Variants in MGAT4C observed in about 807,000 individuals in gnomAD.
MGAT4C encodes the protein alpha-1,3-mannosyl-glycoprotein 4-beta-N-acetylglucosaminyltransferase C.
In MGAT4C, 19 loss-of-function variants were observed where a neutral mutation model predicts 40.1. The observed-to-expected ratio is 0.47, with a 90% confidence interval of 0.33 to 0.70. MGAT4C has a LOEUF of 0.70. Ranked by LOEUF, MGAT4C falls within the 30% of genes least tolerant of loss-of-function variation. MGAT4C has a pLI of 0.02. For synonymous variants in MGAT4C, 181 were observed against 187.1 expected (o/e 0.97, Z 0.27); for missense variants, 491 against 563.2 (o/e 0.87, Z 1.30).
intron 2 of MGAT4C, among the ~76,000 whole-genome samples, chr12:86,521,000 T>G (rs1236806024): frequency 6.6e-6 from 1 of 152,214 alleles, no homozygotes; most frequent in Admixed American, 6.5e-5. Flanking sequence ...TTGACAATAT[T>G]TTCTCCCATC....
chr12:86,241,344 C>A (rs1025159664), intron 1 of MGAT4C, among the ~76,000 whole-genome samples: 1 of 152,076 alleles, frequency 6.6e-6, no homozygotes, highest in Non-Finnish European at 1.5e-5. Context: ...TTTACTACTA[C>A]GGAAGCAAAA....
At chr12:86,127,024 C>A (rs1369229133) in intron 1 of MGAT4C, among the ~76,000 whole-genome samples, 1 of 152,180 alleles carries the variant, frequency 6.6e-6, no homozygotes, top group Non-Finnish European at 1.5e-5. Flanking sequence ...GGTTCACACT[C>A]CTGTGAGAAT....
intron 1 of MGAT4C, among the ~76,000 whole-genome samples, chr12:86,740,743 T>C (rs886612659): frequency 2.0e-5 from 3 of 151,298 alleles, no homozygotes; most frequent in African/African-American, 4.8e-5. Context: ...TCTGGTCTTA[T>C]TCTTAATGAC....
chr12:86,676,975 AAGGACCTGTGTAGTC>A (rs1964415566), intron 2 of MGAT4C, among the ~76,000 whole-genome samples: 1 of 152,118 alleles, frequency 6.6e-6, no homozygotes, highest in African/African-American at 2.4e-5. Flanking sequence ...CCTCCTATTG[AAGGACCTGTGTAGTC>A]AGGAGTGTCC....
intron 2 of MGAT4C, among the ~76,000 whole-genome samples, chr12:86,717,817 G>A (rs1950670796): frequency 6.6e-6 from 1 of 152,090 alleles, no homozygotes; most frequent in Admixed American, 6.5e-5. Flanking sequence ...TGATGATTTT[G>A]CAGTGTCTAA....
At chr12:86,637,223 A>G (rs1963246338) in intron 2 of MGAT4C, among the ~76,000 whole-genome samples, 1 of 151,992 alleles carries the variant, frequency 6.6e-6, no homozygotes, top group South Asian at 2.1e-4. Flanking sequence ...CTGATTATAT[A>G]TTGAACATAA....
chr12:86,736,847 C>G (rs933478949), intron 1 of MGAT4C, among the ~76,000 whole-genome samples: 3 of 151,610 alleles, frequency 2.0e-5, no homozygotes, highest in Non-Finnish European at 4.4e-5. Flanking sequence ...ATTTTATTAG[C>G]ATGGACTGGA....
intron 1 of MGAT4C, among the ~76,000 whole-genome samples, chr12:86,152,995 CACCCTG>C (rs1884484758): frequency 6.6e-6 from 1 of 152,088 alleles, no homozygotes; most frequent in Non-Finnish European, 1.5e-5. Flanking sequence ...AATAATATTA[CACCCTG>C]ATCCTGATAG....
chr12:86,335,420 C>G (rs1954763074), intron 3 of MGAT4C, among the ~76,000 whole-genome samples: 1 of 152,084 alleles, frequency 6.6e-6, no homozygotes, highest in African/African-American at 2.4e-5. Flanking sequence ...CTCCCAGTCT[C>G]TATGGGAGAG....
chr12:86,644,329 A>T lies in MGAT4C; in HGVS notation c.-229+82880T>A, dbSNP rs570108409. On this transcript the variant is annotated intron_variant, in intron 2 of 7. Transcript: ENST00000548651. ...GATATTCAAATGTCAGATATATTTT[A>T]AAATGGTCAGTCACATTAGAAAATG... Among the ~76,000 whole-genome samples the T allele has an allele frequency of 8.6e-5, 13 of 151,930 alleles. No homozygotes were observed. In the South Asian group the frequency reaches 2.3e-3, roughly 27 times the overall value.
intron 2 of MGAT4C, among the ~76,000 whole-genome samples, chr12:86,588,437 A>C (rs1314007189): frequency 6.6e-6 from 1 of 151,964 alleles, no homozygotes; most frequent in Non-Finnish European, 1.5e-5. Context: ...GACTTAGACT[A>C]ACACACATTA....
intron 2 of MGAT4C, chr12:86,013,616 G>T: frequency 2.6e-6 from 1 of 381,134 alleles, no homozygotes; most frequent in Non-Finnish European, 3.6e-6. Context: ...TATAAATAGA[G>T]CTATATTCAC....
chr12:86,133,389 C>T (rs534223447), intron 1 of MGAT4C, among the ~76,000 whole-genome samples: 1 of 152,222 alleles, frequency 6.6e-6, no homozygotes, highest in East Asian at 1.9e-4. Flanking sequence ...ACTTGTCTTG[C>T]CTTATAAGCT....
intron 3 of MGAT4C, among the ~76,000 whole-genome samples, chr12:86,352,985 T>C (rs1955203937): frequency 6.6e-6 from 1 of 150,904 alleles, no homozygotes; most frequent in Admixed American, 6.6e-5. Flanking sequence ...ACCTGCACAT[T>C]GTGCACATGT....
chr12:86,416,694 T>C (rs908717628), intron 3 of MGAT4C, among the ~76,000 whole-genome samples: 2 of 152,044 alleles, frequency 1.3e-5, no homozygotes, highest in Non-Finnish European at 2.9e-5. Context: ...TAAGGAAGTG[T>C]AGCCAGGAAG....
intron 2 of MGAT4C, among the ~76,000 whole-genome samples, chr12:86,604,184 A>T (rs1961958549): frequency 6.6e-6 from 1 of 151,820 alleles, no homozygotes; most frequent in Non-Finnish European, 1.5e-5. Context: ...ACCTGGGAGA[A>T]TGGAAATAAT....
intron 2 of MGAT4C, among the ~76,000 whole-genome samples, chr12:86,526,498 C>A (rs547343583): frequency 6.6e-6 from 1 of 152,088 alleles, no homozygotes; most frequent in African/African-American, 2.4e-5. Context: ...CTGGAGCTCT[C>A]TGCTGGTCAG....
chr12:86,168,838 C>G (rs839115), intron 1 of MGAT4C, among the ~76,000 whole-genome samples: 134,896 of 152,080 alleles, frequency 0.89, 60,072 homozygotes, highest in East Asian at 1. Flanking sequence ...CTTCAGAAAA[C>G]AAAAGAGTCT....
chr12:86,681,029 A>G (rs1949972245), intron 2 of MGAT4C, among the ~76,000 whole-genome samples: 1 of 151,964 alleles, frequency 6.6e-6, no homozygotes, highest in Non-Finnish European at 1.5e-5. Context: ...AAACCTCCTT[A>G]GCATACTTAC....
Sources: gnomAD v4.1 joint callset for allele counts (sites outside exome capture counted in the v4.1 genomes callset) on GRCh38, gnomAD v4.1.1 for gene constraint, MANE v1.5 for transcripts, NCBI Gene and HGNC (gene_info 2026-07-23, HGNC 2026-07-21) for gene names.